OTOA: variants seen among roughly 807,000 people sequenced by gnomAD.
OTOA encodes the protein otoancorin.
A neutral mutation model predicts 110.8 loss-of-function variants in OTOA; 70 were observed. The ratio of observed to expected loss-of-function variants is 0.63; its 90% confidence interval spans 0.52 to 0.77. The LOEUF (loss-of-function observed/expected upper bound fraction) is 0.77. OTOA is among the 30% of genes least tolerant of loss of function. The probability of loss-of-function intolerance (pLI) is 0.00; values close to 1 mark genes in which losing one functional copy is unlikely to be tolerated. For missense variants in OTOA, 917 were observed against 1,075.8 expected, an observed-to-expected ratio of 0.85 and a Z score of 2.06; for synonymous variants, 373 against 431.5, an observed-to-expected ratio of 0.86 and a Z score of 1.68.
intron 17 of OTOA, 32 bp downstream of exon 17, chr16:21,719,536 C>A (rs753234378): frequency 7.6e-6 from 12 of 1,578,712 alleles, no homozygotes; most frequent in Non-Finnish European, 1.0e-5. Context: ...GCTTCTAATT[C>A]TCTCTCCCTA....
chr16:21,708,160 A>G (rs1898249208), intron 12 of OTOA, among the ~76,000 whole-genome samples: 1 of 152,168 alleles, frequency 6.6e-6, no homozygotes, highest in Admixed American at 6.5e-5. Context: ...CATAATGTGA[A>G]ATCAGTGGGA....
intron 5 of OTOA, 40 bp from the exon 6 acceptor site, chr16:21,681,698 T>C: frequency 6.5e-7 from 1 of 1,546,484 alleles, no homozygotes; most frequent in South Asian, 1.1e-5. Context: ...TGTAGGAGAA[T>C]CTGTCATTGT....
In OTOA at chr16:21,710,061, C is replaced by T. The variant is rs1368334656; in HGVS notation, c.1278C>T (p.Ser426=). 3.1e-6 allele frequency: 5 copies of T among 1,613,956 alleles called. No homozygotes were observed. Among genetic ancestry groups the T allele is most frequent in the Non-Finnish European group, 4.2e-6 (5 of 1,179,960 alleles). The change falls in exon 13 of 29, where the codon AGC becomes AGT. Residue 426 remains serine, a synonymous_variant. Transcript: ENST00000646100. ...TLNQVSGWAK[S]QVIILSAKYL... is the part of the protein sequence containing the mutation. ...ACCAGGTCTCAGGTTGGGCCAAGAG[C>T]CAGGTCATCATCTTGTCTGCCAAAT...
At chr16:21,705,350 T>A in intron 12 of OTOA, 58 bp downstream of exon 12, 1 of 1,611,996 alleles carries the variant, frequency 6.2e-7, no homozygotes. Context: ...GCCAGAGAAA[T>A]GGGGAGAACA....
At chr16:21,695,871 A>ATG (rs1247615246) in intron 9 of OTOA, among the ~76,000 whole-genome samples, 1 of 35,796 alleles carries the variant, frequency 2.8e-5, no homozygotes. Context: ...CTTGAGATAT[A>ATG]TATATATATA....
At chr16:21,679,466 A>G (rs1966872613) in intron 5 of OTOA, among the ~76,000 whole-genome samples, 1 of 151,944 alleles carries the variant, frequency 6.6e-6, no homozygotes, top group African/African-American at 2.4e-5. Context: ...CAGTGGTGCT[A>G]TCTTGGCTCA....
At chr16:21,707,645 C>CTTTCTTTCT (rs1038618624) in intron 12 of OTOA, among the ~76,000 whole-genome samples, 1 of 104,124 alleles carries the variant, frequency 9.6e-6, no homozygotes, top group Non-Finnish European at 2.2e-5. Context: ...TTCTTTCTTT[C>CTTTCTTTCT]TTTCTTTCTT....
intron 16 of OTOA, 92 bp from the exon 17 acceptor site, chr16:21,719,295 G>T: frequency 6.4e-7 from 1 of 1,552,540 alleles, no homozygotes; most frequent in African/African-American, 1.4e-5. Flanking sequence ...CACATCTGTA[G>T]CTTGTATCTG....
rs537756479 is a variant in OTOA at position 21,727,866 on chromosome 16, T to C, written c.2017-375T>C. On this transcript the variant is annotated intron_variant, in intron 19 of 28. Transcript: ENST00000646100. Reference sequence around the variant, plus strand: ...TAAGAAGTTTGGGATCGGAACTTTTTTTTTTTTTTTTTTGAGACAGAGTTT... The same window carrying C: ...TAAGAAGTTTGGGATCGGAACTTTTCTTTTTTTTTTTTTGAGACAGAGTTT... 1.4e-4 allele frequency among the ~76,000 whole-genome samples: 21 copies of C among 151,622 alleles called. No homozygotes were observed. The South Asian group carries it at 4.0e-3, about 29-fold the overall frequency.
chr16:21,716,304 G>T (rs945527518), intron 14 of OTOA, among the ~76,000 whole-genome samples: 7 of 150,220 alleles, frequency 4.7e-5, no homozygotes, highest in African/African-American at 1.7e-4. Context: ...AGGTGAGGTG[G>T]CTCACGCCTG....
rs1349510820 is a variant in OTOA at position 21,719,418 on chromosome 16, TCA to T, written c.1725_1726del (p.Ile576Ter). 1 of 1,614,086 alleles carries T rather than the reference TCA, an allele frequency of 6.2e-7. No individual in the cohort carries two copies. Among genetic ancestry groups the T allele is most frequent in the Non-Finnish European group, 8.5e-7 (1 of 1,180,040 alleles). ...GCAGCTGGTCAAAGGCGTGACCTGC[TCA>T]CACATTGATGCCATGAGCACTGACT... ...AGQLVKGVTC[S>X]HIDAMSTDFF... On this transcript the variant is annotated frameshift_variant, in exon 17 of 29. Coordinates refer to ENST00000646100, the MANE Select transcript of OTOA (RefSeq NM_144672.4). LOFTEE classifies it high-confidence loss of function.
chr16:21,710,013 G>T lies in OTOA; in HGVS notation c.1230G>T (p.Val410=), dbSNP rs1355551599. 2 of 1,614,028 alleles carry T rather than the reference G, an allele frequency of 1.2e-6. No homozygotes were observed. The highest frequency in any genetic ancestry group is 1.7e-5 in the Admixed American group (1 of 59,994). ...SQLESLSPEA[V]HGAISTLNQV... Reference sequence around the variant, plus strand: ...TGGAATCCCTCTCCCCCGAGGCTGTGCACGGAGCCATCTCCACCCTCAACC... The same window carrying T: ...TGGAATCCCTCTCCCCCGAGGCTGTTCACGGAGCCATCTCCACCCTCAACC... The change falls in exon 13 of 29, where the codon GTG becomes GTT. Residue 410 remains valine, a synonymous_variant. Transcript: ENST00000646100.
At chr16:21,705,477 A>G in intron 12 of OTOA, 185 bp downstream of exon 12, 4 of 923,436 alleles carry the variant, frequency 4.3e-6, no homozygotes, top group South Asian at 1.6e-5. Flanking sequence ...GACAGAAAAT[A>G]GCAAAGGAAC....
intron 1 of OTOA, among the ~76,000 whole-genome samples, chr16:21,675,759 G>C (rs761140071): frequency 2.0e-5 from 3 of 151,576 alleles, no homozygotes; most frequent in Admixed American, 2.0e-4. Context: ...TAACATGCTC[G>C]CAGTTTTCCC....
chr16:21,667,883 T>C (rs1032816588), intron 1 of OTOA, among the ~76,000 whole-genome samples: 24 of 152,230 alleles, frequency 1.6e-4, no homozygotes, highest in Admixed American at 1.2e-3. Context: ...TTTAAAAAAC[T>C]ATTTAAACAA....
At chr16:21,681,655 G>A in intron 5 of OTOA, 83 bp from the exon 6 acceptor site, 3 of 1,175,208 alleles carry the variant, frequency 2.6e-6, no homozygotes, top group Non-Finnish European at 3.8e-6. Flanking sequence ...ATCCCTACCT[G>A]TCCCCTGGGC....
At chr16:21,710,870 G>A (rs922170731) in intron 13 of OTOA, among the ~76,000 whole-genome samples, 8 of 152,156 alleles carry the variant, frequency 5.3e-5, no homozygotes. Flanking sequence ...GGGCGTGGTG[G>A]TGCATGCCTG....
intron 8 of OTOA, among the ~76,000 whole-genome samples, chr16:21,687,900 G>A (rs1228015366): frequency 6.6e-6 from 1 of 151,740 alleles, no homozygotes; most frequent in East Asian, 2.0e-4. Context: ...CTGACATCAA[G>A]TGATCCACCT....
At chr16:21,728,094 G>A in intron 19 of OTOA, 147 bp from the exon 20 acceptor site, 1 of 955,734 alleles carries the variant, frequency 1.0e-6, no homozygotes, top group Non-Finnish European at 1.6e-6. Context: ...CGAACTCCTG[G>A]CCTCAAATGA....
Sources: allele counts gnomAD v4.1 joint callset (sites outside exome capture counted in the v4.1 genomes callset), GRCh38; gene constraint gnomAD v4.1.1; transcripts MANE v1.5; gene names NCBI Gene and HGNC (gene_info 2026-07-23, HGNC 2026-07-21).